Variants in CPSF3 observed in about 807,000 individuals in gnomAD.
CPSF3 encodes the protein cleavage and polyadenylation specificity factor subunit 3.
Under a neutral mutation model 84.1 loss-of-function variants are expected in CPSF3, and 57 were observed. The observed-to-expected ratio is 0.68, with a 90% CI of 0.55 to 0.85. The LOEUF (loss-of-function observed/expected upper bound fraction) is 0.85, where lower values mean the gene tolerates loss of function less well. Ranked by LOEUF, CPSF3 falls within the 40% of genes least tolerant of loss-of-function variation. CPSF3 has a pLI of 0.00. For synonymous variants in CPSF3, 275 were observed against 278.1 expected, an observed-to-expected ratio of 0.99 and a Z score of 0.11; for missense variants, 522 against 838.8, an observed-to-expected ratio of 0.62 and a Z score of 4.66.
At chr2:9,434,405 T>C (rs1395791199) in intron 6 of CPSF3, among the ~76,000 whole-genome samples, 1 of 152,060 alleles carries the variant, frequency 6.6e-6, no homozygotes, top group Admixed American at 6.5e-5. Flanking sequence ...CTTCTTTTTG[T>C]AGTGCAGTTT....
At position 9,440,613 on chromosome 2, in the gene CPSF3, A is replaced by G. The variant is rs1236791711; in HGVS notation, c.883A>G (p.Lys295Glu). Residue 295 changes from lysine to glutamate, a missense_variant, in exon 8 of 18, where the codon AAA becomes GAA. Transcript: ENST00000238112. ...AAATGCCATGAATGACAAAATCCGC[A>G]AACAGATCAACATCAATAATCCCTT... ...YVNAMNDKIR[K>E]QININNPFVF... 1 of 1,614,094 alleles carries G rather than the reference A, an allele frequency of 6.2e-7. No homozygotes were observed. The highest frequency in any genetic ancestry group is 8.5e-7 in the Non-Finnish European group (1 of 1,180,052).
chr2:9,427,987 A>T (rs1376068073), intron 1 of CPSF3, among the ~76,000 whole-genome samples: 3 of 151,648 alleles, frequency 2.0e-5, no homozygotes, highest in South Asian at 2.1e-4. Flanking sequence ...AAGTATTTTA[A>T]AAAAAAAAAT....
chr2:9,451,093 CAG>C, intron 11 of CPSF3, among the ~76,000 whole-genome samples: 1 of 152,212 alleles, frequency 6.6e-6, no homozygotes, highest in Non-Finnish European at 1.5e-5. Flanking sequence ...GTTTTGCAGT[CAG>C]ACAGTTTAGA....
At position 9,432,625 on chromosome 2, in the gene CPSF3, G is replaced by A; in HGVS notation, c.456G>A (p.Trp152Ter). The A allele has an allele frequency of 6.3e-7, 1 of 1,586,086 alleles. No homozygotes were observed. The highest frequency in any genetic ancestry group is 1.1e-5 in the South Asian group (1 of 87,812). ...EVKEVAGIKFWCYHAGHVLGA... is the reference protein window; with the variant it reads ...EVKEVAGIKF ...AGGAAGTTGCGGGAATCAAGTTTTG[G>A]TGTTACCATGCAGGTCACGTCCTAG... is the stretch of plus-strand genomic sequence containing the variant. The change falls in exon 5 of 18, where the codon TGG (tryptophan) becomes TGA (stop). Residue 152 changes from tryptophan (W) to a stop codon, truncating the protein, a stop_gained. Coordinates refer to ENST00000238112, the MANE Select transcript of CPSF3 (RefSeq NM_016207.4). LOFTEE classifies it high-confidence loss of function.
intron 1 of CPSF3, chr2:9,424,110 G>A (rs1013445344): frequency 3.4e-5 from 40 of 1,176,932 alleles, no homozygotes; most frequent in Admixed American, 4.3e-5. Flanking sequence ...TTTCGTACAC[G>A]CTAAGAAGCG....
chr2:9,472,735 C>G (rs934984877), intron 17 of CPSF3, among the ~76,000 whole-genome samples, 181 bp from the exon 18 acceptor site: 1 of 152,130 alleles, frequency 6.6e-6, no homozygotes, highest in African/African-American at 2.4e-5. Context: ...CTCACTGCAG[C>G]CTCAACCTTC....
At chr2:9,467,814 A>C in intron 16 of CPSF3, 38 bp downstream of exon 16, 1 of 1,550,806 alleles carries the variant, frequency 6.4e-7, no homozygotes, top group Non-Finnish European at 8.9e-7. Flanking sequence ...CAAGACAGTG[A>C]CAGCGGCCGG....
chr2:9,429,903 T>C lies in CPSF3; in HGVS notation c.115-20T>C, dbSNP rs370253683. The stretch of plus-strand genomic sequence containing the variant: ...ATAAAATGTGCAGGAGATTGTGATC[T>C]CTTTTCCTGTTTCTTTCAGCTCGAC... On this transcript the variant is annotated intron_variant, in intron 2 of 17. Coordinates refer to ENST00000238112, the MANE Select transcript of CPSF3 (RefSeq NM_016207.4). 6.6e-7 allele frequency: 1 copy of C among 1,508,676 alleles called. No individual in the cohort carries two copies. Among genetic ancestry groups the C allele is most frequent in the Non-Finnish European group, 9.1e-7 (1 of 1,098,580 alleles). 93.5% of individuals were successfully genotyped at this position (1,508,676 alleles called of 1,614,324 possible). A position where few individuals can be genotyped will look rare whatever the true frequency, so the allele number is the denominator to read the frequency against.
chr2:9,471,427 C>T lies in CPSF3; in HGVS notation c.1941C>T (p.Asn647=). ...TGGACGGGAAAACTGCCAACCTTAA[C>T]TTGGAGACACGGGTATGTAGCTGCT... The part of the protein sequence containing the change: ...VTVDGKTANL[N]LETRTVECEE... Residue 647 remains asparagine, a synonymous_variant, in exon 17 of 18, where the codon AAC becomes AAT. Transcript: ENST00000238112. 6.3e-7 allele frequency: 1 copy of T among 1,599,632 alleles called. No homozygotes were observed. Among genetic ancestry groups the T allele is most frequent in the Middle Eastern group, 1.7e-4 (1 of 6,026 alleles).
chr2:9,448,370 G>C lies in CPSF3; in HGVS notation c.1395+20G>C. Reference sequence around the variant, plus strand: ...GCCAAGGTAAAAGGTTATGGTTCCTGTCTGTCCAATCCATGTTTTTTCTTC... The same window carrying C: ...GCCAAGGTAAAAGGTTATGGTTCCTCTCTGTCCAATCCATGTTTTTTCTTC... On this transcript the variant is annotated intron_variant, in intron 11 of 17. Transcript: ENST00000238112. 1 of 1,591,120 alleles carries C rather than the reference G, an allele frequency of 6.3e-7. No homozygotes were observed. Among genetic ancestry groups the C allele is most frequent in the East Asian group, 2.2e-5 (1 of 44,498 alleles).
At chr2:9,464,245 A>C (rs1681828814) in intron 15 of CPSF3, among the ~76,000 whole-genome samples, 1 of 152,240 alleles carries the variant, frequency 6.6e-6, no homozygotes, top group Non-Finnish European at 1.5e-5. Context: ...TTTGACACAC[A>C]GACCTACTAA....
chr2:9,461,289 G>A (rs146320477), intron 15 of CPSF3, among the ~76,000 whole-genome samples: 412 of 152,284 alleles, frequency 2.7e-3, no homozygotes, highest in African/African-American at 8.6e-3. Flanking sequence ...GAAGAATGCC[G>A]CAAGATTCTT....
At chr2:9,438,267 G>T (rs1345014368) in intron 7 of CPSF3, among the ~76,000 whole-genome samples, 1 of 152,120 alleles carries the variant, frequency 6.6e-6, no homozygotes. Flanking sequence ...GATCTTGATT[G>T]GTCCTCCTTC....
chr2:9,439,472 C>CAA (rs34127364), intron 7 of CPSF3, among the ~76,000 whole-genome samples: 55,385 of 103,616 alleles, frequency 0.53, 13,905 homozygotes, highest in Middle Eastern at 0.73. Flanking sequence ...GACTCCATCT[C>CAA]AAAAAAAAAA....
At chr2:9,454,368 A>G (rs1409259454) in intron 12 of CPSF3, among the ~76,000 whole-genome samples, 1 of 152,072 alleles carries the variant, frequency 6.6e-6, no homozygotes, top group Non-Finnish European at 1.5e-5. Context: ...AGATCACGCC[A>G]TTGCACTCCA....
In CPSF3 at chr2:9,472,931, GA is replaced by G; in HGVS notation, c.1970del (p.Glu657GlyfsTer24). ...TCACTTTCAGACTGTAGAATGTGAAGAGGGAAGTGAAGACGATGAATCCCTC... is the reference window on the plus strand; with the variant it reads ...TCACTTTCAGACTGTAGAATGTGAAGGGGAAGTGAAGACGATGAATCCCTC... ...NLETRTVECE[E>X]GSEDDESLRE... On this transcript the variant is annotated frameshift_variant, in exon 18 of 18. Transcript: ENST00000238112. LOFTEE classifies it high-confidence loss of function. 1 of 1,612,806 alleles carries G rather than the reference GA, an allele frequency of 6.2e-7. No individual in the cohort carries two copies. Among genetic ancestry groups the G allele is most frequent in the Non-Finnish European group, 8.5e-7 (1 of 1,178,924 alleles).
intron 11 of CPSF3, 28 bp from the exon 12 acceptor site, chr2:9,452,885 A>G (rs767629241): frequency 9.3e-6 from 14 of 1,497,654 alleles, no homozygotes; most frequent in East Asian, 2.3e-5. Flanking sequence ...ACCAGGTTCT[A>G]TTTTCTTCAA....
At chr2:9,470,968 C>T (rs999031012) in intron 16 of CPSF3, among the ~76,000 whole-genome samples, 16 of 152,196 alleles carry the variant, frequency 1.1e-4, no homozygotes, top group African/African-American at 3.6e-4. Context: ...AATCCCAACA[C>T]TTTGGGAGGC....
intron 4 of CPSF3, 150 bp downstream of exon 4, chr2:9,431,030 A>G (rs1034577264): frequency 3.1e-6 from 2 of 636,416 alleles, no homozygotes; most frequent in Admixed American, 3.0e-5. Context: ...AGGTCATTGA[A>G]ACCTATTGTG....
Sources: allele counts gnomAD v4.1 joint callset (sites outside exome capture counted in the v4.1 genomes callset), GRCh38; gene constraint gnomAD v4.1.1; transcripts MANE v1.5; gene names NCBI Gene and HGNC (gene_info 2026-07-23, HGNC 2026-07-21).